Variants in CCDC40 observed in about 807,000 individuals in gnomAD.
CCDC40 encodes coiled-coil domain 40 molecular ruler complex subunit, also known as coiled-coil domain-containing protein 40.
In CCDC40, 104 loss-of-function variants were observed where a neutral mutation model predicts 124.5. That is an observed-to-expected ratio of 0.84 (90% CI 0.71 to 0.98). CCDC40 has a LOEUF of 0.98. Ranked by LOEUF, CCDC40 falls within the 50% of genes least tolerant of loss-of-function variation. CCDC40 has a pLI of 0.00. For missense variants in CCDC40, 1,463 were observed against 1,503.9 expected, an observed-to-expected ratio of 0.97 and a Z score of 0.45; for synonymous variants, 580 against 602.9, an observed-to-expected ratio of 0.96 and a Z score of 0.56.
chr17:80,036,742 C>G, intron 1 of CCDC40, 51 bp downstream of exon 1: 1 of 1,453,940 alleles, frequency 6.9e-7, no homozygotes, highest in South Asian at 1.3e-5. Flanking sequence ...GCCGCGCTCT[C>G]CGTTCACCGC....
chr17:80,063,768 G>A (rs2037963733), intron 9 of CCDC40, among the ~76,000 whole-genome samples: 1 of 152,206 alleles, frequency 6.6e-6, no homozygotes, highest in African/African-American at 2.4e-5. Context: ...CCAAAGTGCT[G>A]GGGTTACAGG....
intron 10 of CCDC40, among the ~76,000 whole-genome samples, chr17:80,078,117 G>A (rs1229610288): frequency 6.6e-6 from 1 of 152,046 alleles, no homozygotes; most frequent in Non-Finnish European, 1.5e-5. Context: ...GGATCACGAG[G>A]TCAGGAGATT....
At chr17:80,052,978 C>T (rs1350021487) in intron 7 of CCDC40, among the ~76,000 whole-genome samples, 1 of 152,266 alleles carries the variant, frequency 6.6e-6, no homozygotes, top group South Asian at 2.1e-4. Flanking sequence ...AATTTCTTAA[C>T]TAAAAAGCCA....
In CCDC40 at chr17:80,058,937, C is replaced by T; in HGVS notation, c.1397C>T (p.Ala466Val). 1.2e-6 allele frequency: 2 copies of T among 1,614,134 alleles called. No homozygotes were observed. The highest frequency in any genetic ancestry group is 1.1e-5 in the South Asian group (1 of 91,074). ...DIALFEAQYL[A>V]QAEDTRILRK... is the part of the protein sequence containing the mutation. The stretch of plus-strand genomic sequence containing the variant: ...GCCCTGTTTGAGGCTCAGTACTTGG[C>T]CCAAGCTGAGGACACCCGGATTTTA... Residue 466 changes from alanine to valine, a missense_variant, in exon 9 of 20, where the codon GCC (alanine) becomes GTC (valine). Coordinates refer to ENST00000397545, the MANE Select transcript of CCDC40 (RefSeq NM_017950.4). This position sits in a 1 kb window ranked among gnomAD's most constrained non-coding sequence, Gnocchi z 4.2.
intron 9 of CCDC40, among the ~76,000 whole-genome samples, chr17:80,064,845 C>T (rs765339895): frequency 7.2e-5 from 11 of 152,032 alleles, no homozygotes; most frequent in Non-Finnish European, 1.3e-4. Flanking sequence ...CCCAGCTGGA[C>T]GAGAGCATCC....
At position 80,084,964 on chromosome 17, in the gene CCDC40, G is replaced by T; in HGVS notation, c.2211G>T (p.Leu737=). 6.2e-7 allele frequency: 1 copy of T among 1,613,882 alleles called. No individual in the cohort carries two copies. Among genetic ancestry groups the T allele is most frequent in the Middle Eastern group, 1.6e-4 (1 of 6,062 alleles). ...TCATCAACTTCCTCAACAAGCAGCT[G>T]GAGCGGATGGTCTCCGAGCTGGGGG... ...QGLINFLNKQ[L]ERMVSELGGE... The change falls in exon 13 of 20, where the codon CTG becomes CTT. Residue 737 remains leucine, a synonymous_variant. Transcript: ENST00000397545.
chr17:80,076,501 A>T (rs1007347587), intron 10 of CCDC40, among the ~76,000 whole-genome samples: 1 of 150,346 alleles, frequency 6.7e-6, no homozygotes, highest in African/African-American at 2.4e-5. Flanking sequence ...TGAGCCTAGG[A>T]GGCTGAATTT....
chr17:80,044,704 A>ATGTGTGTATATATATATAT (rs1485851817), intron 3 of CCDC40, among the ~76,000 whole-genome samples: 4 of 37,224 alleles, frequency 1.1e-4, no homozygotes, highest in Admixed American at 3.8e-4. Flanking sequence ...AAAACAAACA[A>ATGTGTGTATATATATATAT]ACAAAAAAAA....
intron 10 of CCDC40, chr17:80,067,327 C>T (rs1221524043): frequency 5.1e-6 from 3 of 585,720 alleles, no homozygotes; most frequent in Non-Finnish European, 9.1e-6. Context: ...GGCCCGCAGT[C>T]ACTAGAACCC....
chr17:80,095,111 C>T, intron 17 of CCDC40, 152 bp from the exon 18 acceptor site: 1 of 724,660 alleles, frequency 1.4e-6, no homozygotes, highest in Non-Finnish European at 2.4e-6. Context: ...CCTCCATGTC[C>T]CTTGTTCCTC....
intron 7 of CCDC40, among the ~76,000 whole-genome samples, chr17:80,052,129 A>C (rs1031344449): frequency 1.3e-5 from 2 of 152,220 alleles, no homozygotes; most frequent in African/African-American, 4.8e-5. Flanking sequence ...CACCTGCCTC[A>C]TCTGGGAGGG....
intron 3 of CCDC40, among the ~76,000 whole-genome samples, chr17:80,045,706 AAAC>A (rs1227574343): frequency 7.3e-5 from 11 of 150,704 alleles, no homozygotes; most frequent in South Asian, 2.1e-4. Context: ...TCCATCTCAA[AAAC>A]AACAACAACT....
rs2038221616 is a variant in CCDC40 at position 80,072,683 on chromosome 17, A to G, written c.1562+7077A>G. Among the ~76,000 whole-genome samples the G allele has an allele frequency of 2.0e-5, 3 of 152,252 alleles. No homozygotes were observed. In the South Asian group the frequency reaches 6.2e-4, roughly 32 times the overall value. ...ATATAAATGGAATCGCGCAGTCTGT[A>G]GCTTTTCTTGTCTGGCTTCTTCCAC... On this transcript the variant is annotated intron_variant, in intron 10 of 19. Transcript: ENST00000397545.
At chr17:80,093,517 T>G (rs987184842) in intron 17 of CCDC40, among the ~76,000 whole-genome samples, 1 of 146,424 alleles carries the variant, frequency 6.8e-6, no homozygotes, top group South Asian at 2.2e-4. Flanking sequence ...TTCTTATTTC[T>G]CTTTTTTTTT....
intron 19 of CCDC40, 82 bp from the exon 20 acceptor site, chr17:80,099,445 T>C (rs950545086): frequency 1.3e-6 from 2 of 1,530,246 alleles, no homozygotes; most frequent in Non-Finnish European, 1.8e-6. Flanking sequence ...CGGCATTTCC[T>C]GGAATCTGAG....
At chr17:80,063,307 T>C (rs771819680) in intron 9 of CCDC40, among the ~76,000 whole-genome samples, 1 of 152,234 alleles carries the variant, frequency 6.6e-6, no homozygotes, top group Non-Finnish European at 1.5e-5. Flanking sequence ...GTTAGGGTTA[T>C]TGAATTTTCA....
intron 10 of CCDC40, among the ~76,000 whole-genome samples, chr17:80,078,490 TTG>T (rs1190525926): frequency 1.3e-5 from 2 of 152,180 alleles, no homozygotes; most frequent in Non-Finnish European, 2.9e-5. Flanking sequence ...GGCTCAGGTT[TTG>T]TGTGTCTCTC....
rs202078323 is a variant in CCDC40 at position 80,058,820 on chromosome 17, C to A, written c.1318-38C>A. 2 of 1,613,806 alleles carry A rather than the reference C, an allele frequency of 1.2e-6. No homozygotes were observed. The highest frequency in any genetic ancestry group is 1.7e-5 in the Admixed American group (1 of 60,008). ...TGGAGAACAGGCCCTCAGCCACGGGCACCTCCTGACGGGGCTGCTTCTCAT... is the reference window on the plus strand; with the variant it reads ...TGGAGAACAGGCCCTCAGCCACGGGAACCTCCTGACGGGGCTGCTTCTCAT... On this transcript the variant is annotated intron_variant, in intron 8 of 19. Coordinates refer to ENST00000397545, the MANE Select transcript of CCDC40 (RefSeq NM_017950.4). The surrounding 1 kb of genome is among the most constrained non-coding windows in gnomAD (Gnocchi z 4.2).
In CCDC40 at chr17:80,081,744, G is replaced by A. The variant is rs560402881; in HGVS notation, c.1761G>A (p.Arg587=). 5.9e-5 allele frequency: 95 copies of A among 1,614,044 alleles called. 1 individual carries two copies. In the East Asian group the frequency reaches 8.2e-4, roughly 14 times the overall value. The change falls in exon 11 of 20, where the codon AGG becomes AGA. Residue 587 remains arginine, a synonymous_variant. Transcript: ENST00000397545. The part of the protein sequence containing the change: ...VALQSQFNTY[R]LTLQDTEDAL... The stretch of plus-strand genomic sequence containing the variant: ...TGCAGAGCCAGTTCAATACCTACAG[G>A]CTCACCCTGCAGGACACAGAGGATG...
Sources: gnomAD v4.1 joint callset for allele counts (sites outside exome capture counted in the v4.1 genomes callset) on GRCh38, gnomAD v4.1.1 for gene constraint, Gnocchi (gnomAD v3.1) non-coding constraint, MANE v1.5 for transcripts, NCBI Gene and HGNC (gene_info 2026-07-23, HGNC 2026-07-21) for gene names.